DEUP1: variants seen among roughly 807,000 people sequenced by gnomAD.
DEUP1 encodes the protein deuterosome assembly protein 1, also known as coiled-coil domain containing 67.
Under a neutral mutation model 87.4 loss-of-function variants are expected in DEUP1, and 82 were observed. That is an observed-to-expected ratio of 0.94 (90% CI 0.78 to 1.13). The LOEUF is 1.13. DEUP1 is among the 50% of genes most tolerant of loss of function. The pLI is 0.00. For synonymous variants in DEUP1, 214 were observed against 222.7 expected, an observed-to-expected ratio of 0.96 and a Z score of 0.35; for missense variants, 663 against 681.5, an observed-to-expected ratio of 0.97 and a Z score of 0.30.
In DEUP1 at chr11:93,437,750, C is replaced by CT. The variant is rs1555068651; in HGVS notation, c.*31_*32insT. ...TAAACTTTTTTATTTGCTTCCCCCC[C>CT]CCACCCCCGCCAAGAAAAAAAGCTC... On this transcript the variant is annotated 3_prime_UTR_variant, in exon 14 of 14. Coordinates refer to ENST00000298050, the MANE Select transcript of DEUP1 (RefSeq NM_181645.4). 281 of 1,044,888 alleles carry CT rather than the reference C, an allele frequency of 2.7e-4. 4 individuals carry two copies. In the African/African-American group the frequency reaches 4.6e-3, roughly 17 times the overall value. The allele number at this position is 1,044,888 out of a possible 1,614,324, so 64.7% of individuals were successfully genotyped here.
At chr11:93,334,955 C>T (rs968128227) in intron 2 of DEUP1, among the ~76,000 whole-genome samples, 2 of 151,734 alleles carry the variant, frequency 1.3e-5, no homozygotes, top group Non-Finnish European at 2.9e-5. Flanking sequence ...ACTAGTTTTC[C>T]CTTTTATGGT....
intron 7 of DEUP1, among the ~76,000 whole-genome samples, chr11:93,376,213 G>C (rs1023527195): frequency 2.0e-5 from 3 of 152,120 alleles, no homozygotes; most frequent in Admixed American, 2.0e-4. Context: ...CAAAGCGCTG[G>C]CATTACAGGC....
intron 8 of DEUP1, 82 bp downstream of exon 8, chr11:93,385,625 T>A (rs920655299): frequency 1.8e-6 from 2 of 1,122,250 alleles, no homozygotes; most frequent in African/African-American, 3.2e-5. Context: ...ATATTTGAAA[T>A]GAGAATATAA....
chr11:93,361,367 A>G (rs1011049457), intron 4 of DEUP1, among the ~76,000 whole-genome samples: 2 of 152,100 alleles, frequency 1.3e-5, no homozygotes, highest in East Asian at 3.8e-4. Flanking sequence ...AGTAAAAAAC[A>G]TGGGGGGAAA....
At chr11:93,415,210 GTTTT>G in intron 13 of DEUP1, 96 bp downstream of exon 13, 1 of 700,760 alleles carries the variant, frequency 1.4e-6, no homozygotes, top group Non-Finnish European at 2.4e-6. Context: ...TAGTTCGTTT[GTTTT>G]TAATCTCACT....
chr11:93,354,824 G>C (rs139835373), intron 2 of DEUP1, among the ~76,000 whole-genome samples: 401 of 152,280 alleles, frequency 2.6e-3, no homozygotes, highest in African/African-American at 9.3e-3. Flanking sequence ...TACAATTCAA[G>C]TTGAGATTTT....
intron 6 of DEUP1, among the ~76,000 whole-genome samples, 174 bp from the exon 7 acceptor site, chr11:93,370,864 T>C (rs554521283): frequency 6.6e-6 from 1 of 152,300 alleles, no homozygotes; most frequent in South Asian, 2.1e-4. Context: ...CTATATGCCA[T>C]CTGAAATTGA....
At chr11:93,401,919 G>A (rs1343008192) in intron 11 of DEUP1, among the ~76,000 whole-genome samples, 1 of 151,780 alleles carries the variant, frequency 6.6e-6, no homozygotes, top group Non-Finnish European at 1.5e-5. Context: ...AAGACATTAG[G>A]GAAATACTCC....
chr11:93,340,744 G>A (rs1460121231), intron 2 of DEUP1, among the ~76,000 whole-genome samples: 4 of 152,198 alleles, frequency 2.6e-5, no homozygotes, highest in African/African-American at 9.6e-5. Context: ...TGGAGTGTGT[G>A]AGAAGATGAT....
chr11:93,437,656 G>A lies in DEUP1; in HGVS notation c.1752G>A (p.Leu584=), dbSNP rs371605464. 88 of 1,608,406 alleles carry A rather than the reference G, an allele frequency of 5.5e-5. No individual in the cohort carries two copies. The highest frequency in any genetic ancestry group is 5.0e-4 in the African/African-American group (37 of 74,660). ...TTCTAAATACACATATTGATGAACT[G>A]CAAAGACACACAGAATTTACTCTTA... The part of the protein sequence containing the change: ...EKLLNTHIDE[L]QRHTEFTLNK... The change falls in exon 14 of 14, where the codon CTG becomes CTA. Residue 584 remains leucine, a synonymous_variant. Coordinates refer to ENST00000298050, the MANE Select transcript of DEUP1 (RefSeq NM_181645.4).
chr11:93,352,822 A>G (rs980625172), intron 2 of DEUP1, among the ~76,000 whole-genome samples: 4 of 152,104 alleles, frequency 2.6e-5, no homozygotes, highest in Admixed American at 2.6e-4. Flanking sequence ...GGGAAAGACT[A>G]GCCCCCATGA....
At chr11:93,386,915 C>T (rs1193303422) in intron 8 of DEUP1, among the ~76,000 whole-genome samples, 1 of 152,162 alleles carries the variant, frequency 6.6e-6, no homozygotes, top group Non-Finnish European at 1.5e-5. Flanking sequence ...TTGTGAAGAG[C>T]ATTGTAGGTA....
intron 12 of DEUP1, among the ~76,000 whole-genome samples, chr11:93,409,593 A>G (rs1947378569): frequency 6.6e-6 from 1 of 152,152 alleles, no homozygotes; most frequent in Admixed American, 6.5e-5. Flanking sequence ...GTGCCAAGAA[A>G]CGGCAGATTA....
At chr11:93,373,625 G>GTGTGTGTATATA (rs796309948) in intron 7 of DEUP1, among the ~76,000 whole-genome samples, 101 of 67,000 alleles carry the variant, frequency 1.5e-3, no homozygotes, top group African/African-American at 3.8e-3. Context: ...ATATATATAC[G>GTGTGTGTATATA]TATATATATA....
At chr11:93,336,877 T>A (rs1292398519) in intron 2 of DEUP1, among the ~76,000 whole-genome samples, 5 of 152,196 alleles carry the variant, frequency 3.3e-5, no homozygotes, top group Non-Finnish European at 7.4e-5. Context: ...TCCTTCTAGG[T>A]TTGACCTTCT....
chr11:93,385,491 A>C lies in DEUP1; in HGVS notation c.883A>C (p.Arg295=). 3.1e-6 allele frequency: 5 copies of C among 1,611,362 alleles called. No individual in the cohort carries two copies. In the South Asian group the frequency reaches 5.5e-5, roughly 18 times the overall value. Residue 295 remains arginine, a synonymous_variant, in exon 8 of 14, where the codon AGA becomes CGA. Transcript: ENST00000298050. ...AGAAATGGAACGATTGCAATTACACAGAGAATTATTAAAAATAGGAGAGTG... is the reference window on the plus strand; with the variant it reads ...AGAAATGGAACGATTGCAATTACACCGAGAATTATTAAAAATAGGAGAGTG... The part of the protein sequence containing the change: ...IIEMERLQLH[R]ELLKIGECQN...
chr11:93,352,409 G>T (rs1239541107), intron 2 of DEUP1: 1 of 702,404 alleles, frequency 1.4e-6, no homozygotes, highest in East Asian at 2.7e-5. Flanking sequence ...GAACTCTGTA[G>T]TGAGAGCACT....
At chr11:93,386,846 TA>T (rs1450889000) in intron 8 of DEUP1, among the ~76,000 whole-genome samples, 2 of 152,164 alleles carry the variant, frequency 1.3e-5, no homozygotes, top group Non-Finnish European at 2.9e-5. Flanking sequence ...AATATATTCC[TA>T]AAAACATAAG....
Position 93,364,220 on chromosome 11 carries a change from G to A in DEUP1, c.358G>A (p.Val120Ile). ...LRLHQMKQNK[V>I]PRKELPHLKE... is the part of the protein sequence containing the mutation. ...ATTACATCAGATGAAACAAAACAAA[G>A]TTCCACGAAAAGAATTACCACACCT... Residue 120 changes from valine (V) to isoleucine (I), a missense_variant, in exon 5 of 14, where the codon GTT becomes ATT. Physicochemically the swap from Val to Ile is conservative, Grantham distance 29. Transcript: ENST00000298050. 3.7e-6 allele frequency: 6 copies of A among 1,608,396 alleles called. No homozygotes were observed. Among genetic ancestry groups the A allele is most frequent in the Non-Finnish European group, 5.1e-6 (6 of 1,175,574 alleles).
Sources: allele counts gnomAD v4.1 joint callset (sites outside exome capture counted in the v4.1 genomes callset), GRCh38; gene constraint gnomAD v4.1.1; transcripts MANE v1.5; gene names NCBI Gene and HGNC (gene_info 2026-07-23, HGNC 2026-07-21).